The following TNRC6A variants were observed in gnomAD, a reference collection of about 807,000 sequenced individuals.
TNRC6A encodes trinucleotide repeat containing adaptor 6A, also known as trinucleotide repeat-containing gene 6A protein.
Under a neutral mutation model 221.2 loss-of-function variants are expected in TNRC6A, and 44 were observed. The ratio of observed to expected loss-of-function variants is 0.20; its 90% CI spans 0.16 to 0.26. TNRC6A has a LOEUF of 0.26. Ranked by LOEUF, TNRC6A falls within the 10% of genes least tolerant of loss-of-function variation. TNRC6A has a pLI of 1.00. For missense variants in TNRC6A, 2,199 were observed against 2,404.4 expected, an observed-to-expected ratio of 0.91 and a Z score of 1.79; for synonymous variants, 847 against 838.5, an observed-to-expected ratio of 1.01 and a Z score of -0.18.
chr16:24,614,282 C>T (rs557740401), intron 1 of TNRC6A, among the ~76,000 whole-genome samples: 8 of 152,178 alleles, frequency 5.3e-5, no homozygotes, highest in Middle Eastern at 3.2e-3. Context: ...TGCGAGGCCC[C>T]GTGGGCCTAG....
At chr16:24,755,669 A>G (rs947523463) in intron 3 of TNRC6A, among the ~76,000 whole-genome samples, 1 of 152,232 alleles carries the variant, frequency 6.6e-6, no homozygotes, top group South Asian at 2.1e-4. Context: ...CTTCAGGACC[A>G]TGTTGTTGGG....
chr16:24,627,012 G>C (rs1345005477), intron 1 of TNRC6A, among the ~76,000 whole-genome samples: 3 of 150,168 alleles, frequency 2.0e-5, no homozygotes, highest in Non-Finnish European at 4.4e-5. Flanking sequence ...AGTGGTGTCA[G>C]AAGCTAAAGC....
At chr16:24,629,077 G>T (rs541185384) in intron 1 of TNRC6A, among the ~76,000 whole-genome samples, 1 of 152,028 alleles carries the variant, frequency 6.6e-6, no homozygotes, top group African/African-American at 2.4e-5. Flanking sequence ...GGCCTTTAAC[G>T]TAACTCATGA....
intron 2 of TNRC6A, among the ~76,000 whole-genome samples, chr16:24,711,371 A>AT (rs1430435929): frequency 6.6e-6 from 1 of 152,128 alleles, no homozygotes; most frequent in Non-Finnish European, 1.5e-5. Flanking sequence ...AATTTAATAA[A>AT]TTTTGACATA....
intron 2 of TNRC6A, among the ~76,000 whole-genome samples, chr16:24,741,950 C>T (rs1288591118): frequency 1.3e-5 from 2 of 152,130 alleles, no homozygotes. Flanking sequence ...GATCCTCGTG[C>T]TTCAGCCTCC....
At chr16:24,708,062 A>C (rs201192182) in intron 2 of TNRC6A, among the ~76,000 whole-genome samples, 2 of 151,324 alleles carry the variant, frequency 1.3e-5, no homozygotes, top group African/African-American at 4.9e-5. Context: ...CTGTCAAAAA[A>C]AAAAAAACAC....
At position 24,815,141 on chromosome 16, in the gene TNRC6A, T is replaced by C. The variant is rs780961660; in HGVS notation, c.4673-6T>C. 13 of 1,610,392 alleles carry C rather than the reference T, an allele frequency of 8.1e-6. No homozygotes were observed. The South Asian group carries it at 1.4e-4, about 18-fold the overall frequency. ...TCACATTTCTCTATTATTCTTCCCT[T>C]GTTAGGTGCTATTTCAAGTGGTTTC... On this transcript the variant is annotated splice_polypyrimidine_tract_variant and splice_region_variant and intron_variant, in intron 18 of 24. Transcript: ENST00000395799.
At chr16:24,775,578 T>C (rs1050527497) in intron 4 of TNRC6A, among the ~76,000 whole-genome samples, 3 of 152,250 alleles carry the variant, frequency 2.0e-5, no homozygotes, top group African/African-American at 7.2e-5. Context: ...ACCAAGGCTT[T>C]AATGACATTG....
chr16:24,698,678 C>G (rs1178591034), intron 2 of TNRC6A, among the ~76,000 whole-genome samples: 1 of 152,114 alleles, frequency 6.6e-6, no homozygotes, highest in Non-Finnish European at 1.5e-5. Flanking sequence ...CCTGTGCTCC[C>G]TTCCTTGAGG....
At chr16:24,738,120 C>G (rs904046448) in intron 2 of TNRC6A, among the ~76,000 whole-genome samples, 2 of 152,138 alleles carry the variant, frequency 1.3e-5, no homozygotes, top group Non-Finnish European at 2.9e-5. Flanking sequence ...TTCTTAGAAA[C>G]CTTTGTTGGC....
intron 2 of TNRC6A, among the ~76,000 whole-genome samples, chr16:24,715,437 T>C (rs2056294257): frequency 6.6e-6 from 1 of 151,936 alleles, no homozygotes. Flanking sequence ...GTTAACTTTG[T>C]CCCACCACTG....
intron 1 of TNRC6A, among the ~76,000 whole-genome samples, chr16:24,629,744 C>T (rs969102839): frequency 1.1e-4 from 16 of 151,930 alleles, no homozygotes; most frequent in Admixed American, 7.2e-4. Context: ...TTTGGGAGGC[C>T]GAGGCAGGTG....
chr16:24,740,560 G>A (rs1011746545), intron 2 of TNRC6A, among the ~76,000 whole-genome samples: 62 of 152,024 alleles, frequency 4.1e-4, no homozygotes, highest in African/African-American at 1.5e-3. Context: ...GCTATTGTAG[G>A]TGGAATTGTT....
intron 1 of TNRC6A, among the ~76,000 whole-genome samples, chr16:24,614,341 C>CTTG (rs4038319): frequency 0.18 from 26,882 of 152,148 alleles, 2,474 homozygotes; most frequent in South Asian, 0.3. Flanking sequence ...AAAGATACCA[C>CTTG]TTGTTGGGTG....
intron 2 of TNRC6A, among the ~76,000 whole-genome samples, chr16:24,648,195 GAT>G (rs1245598531): frequency 6.6e-6 from 1 of 150,600 alleles, no homozygotes; most frequent in African/African-American, 2.4e-5. Context: ...AGTTCTTCTT[GAT>G]ATATACTAAG....
Position 24,804,258 on chromosome 16 carries a change from C to G in TNRC6A, c.3776C>G (p.Pro1259Arg). The G allele has an allele frequency of 6.2e-7, 1 of 1,613,788 alleles. No individual in the cohort carries two copies. The highest frequency in any genetic ancestry group is 8.5e-7 in the Non-Finnish European group (1 of 1,179,968). ...TACAATCGAACGGTCGGGAAAGGCC[C>G]TGGTTCTCGGCCTCAGATTTCCAAA... ...GDYNRTVGKGPGSRPQISKES... is the reference protein window; with the variant it reads ...GDYNRTVGKGRGSRPQISKES... The change falls in exon 12 of 25, where the codon CCT (proline) becomes CGT (arginine). Residue 1259 changes from proline (P) to arginine (R), a missense_variant. By Grantham distance (103) the Pro-to-Arg change is moderately radical. Around this residue, in one of 8 missense-constraint regions of TNRC6A, gnomAD observed 158 missense variants for 159.1 expected, o/e 0.99. Transcript: ENST00000395799.
At chr16:24,655,767 T>A (rs1395652333) in intron 2 of TNRC6A, among the ~76,000 whole-genome samples, 8 of 152,042 alleles carry the variant, frequency 5.3e-5, no homozygotes, top group Non-Finnish European at 1.0e-4. Flanking sequence ...AACAAACTAT[T>A]CTCAGTCTGA....
At chr16:24,634,326 A>C (rs189461727) in intron 1 of TNRC6A, among the ~76,000 whole-genome samples, 1 of 152,176 alleles carries the variant, frequency 6.6e-6, no homozygotes, top group Admixed American at 6.5e-5. Flanking sequence ...GCTACTTGGG[A>C]GGCTGAGGCA....
intron 2 of TNRC6A, among the ~76,000 whole-genome samples, chr16:24,644,234 C>T (rs563859325): frequency 3.3e-5 from 5 of 151,244 alleles, no homozygotes; most frequent in African/African-American, 1.2e-4. Flanking sequence ...CTACAGGCGC[C>T]CGCCACCACG....
Sources: allele counts gnomAD v4.1 joint callset (sites outside exome capture counted in the v4.1 genomes callset), GRCh38; gene constraint gnomAD v4.1.1; regional missense constraint gnomAD v4.1.1; transcripts MANE v1.5; gene names NCBI Gene and HGNC (gene_info 2026-07-23, HGNC 2026-07-21).